The following PLXNA4 variants were observed in gnomAD, a reference collection of about 807,000 sequenced individuals.
PLXNA4 encodes plexin-A4.
In PLXNA4, 44 loss-of-function variants were observed where a neutral mutation model predicts 191.8. The ratio of observed to expected loss-of-function variants is 0.23; its 90% CI spans 0.18 to 0.29. PLXNA4 has a LOEUF of 0.29. PLXNA4 is among the 10% of genes least tolerant of loss of function. PLXNA4 has a pLI of 1.00. For synonymous variants in PLXNA4, 1,082 were observed against 1,009.5 expected, an observed-to-expected ratio of 1.07 and a Z score of -1.36; for missense variants, 1,800 against 2,488.8, an observed-to-expected ratio of 0.72 and a Z score of 5.89.
At chr7:132,189,680 C>T (rs1018735479) in intron 14 of PLXNA4, among the ~76,000 whole-genome samples, 4 of 152,106 alleles carry the variant, frequency 2.6e-5, no homozygotes, top group Admixed American at 2.0e-4. Flanking sequence ...AAAGAGTGCA[C>T]CTGCAAGCTG....
At chr7:132,567,592 G>GTCATTCTTCTCC (rs1423862620) in intron 1 of PLXNA4, among the ~76,000 whole-genome samples, 1 of 152,024 alleles carries the variant, frequency 6.6e-6, no homozygotes, top group Non-Finnish European at 1.5e-5. Flanking sequence ...TATTTTTAAG[G>GTCATTCTTCTCC]TCATTCTTCT....
At chr7:132,296,205 C>T (rs1025602848) in intron 4 of PLXNA4, among the ~76,000 whole-genome samples, 9 of 152,130 alleles carry the variant, frequency 5.9e-5, no homozygotes, top group African/African-American at 1.9e-4. Flanking sequence ...TCATTCCTGC[C>T]TTCCTTTCCA....
At chr7:132,546,964 A>C (rs746543987) in intron 1 of PLXNA4, among the ~76,000 whole-genome samples, 4 of 152,208 alleles carry the variant, frequency 2.6e-5, no homozygotes, top group Admixed American at 6.5e-5. Flanking sequence ...TCACTATTCC[A>C]GGAAAGGGAG....
intron 3 of PLXNA4, among the ~76,000 whole-genome samples, chr7:132,412,268 G>C (rs953745964): frequency 5.9e-5 from 9 of 152,132 alleles, no homozygotes; most frequent in African/African-American, 2.2e-4. Context: ...TCCCCCTCCA[G>C]ACCTCAGCTC....
chr7:132,246,067 T>G (rs1369968582), intron 4 of PLXNA4, among the ~76,000 whole-genome samples: 1 of 152,154 alleles, frequency 6.6e-6, no homozygotes. Flanking sequence ...TAGAAATAAT[T>G]AACACTGTGA....
At chr7:132,195,549 A>G (rs1797229169) in intron 13 of PLXNA4, among the ~76,000 whole-genome samples, 1 of 152,250 alleles carries the variant, frequency 6.6e-6, no homozygotes, top group African/African-American at 2.4e-5. Context: ...AGAAGTCTGG[A>G]CCATGCACTT....
chr7:132,434,029 G>A (rs574328402), intron 3 of PLXNA4, among the ~76,000 whole-genome samples: 5 of 152,312 alleles, frequency 3.3e-5, no homozygotes, highest in Middle Eastern at 3.4e-3. Flanking sequence ...CCATTACTAT[G>A]CAACTATTCC....
At chr7:132,458,406 T>C (rs532579772) in intron 3 of PLXNA4, among the ~76,000 whole-genome samples, 1 of 151,944 alleles carries the variant, frequency 6.6e-6, no homozygotes, top group African/African-American at 2.4e-5. Flanking sequence ...AAACTGAAAG[T>C]TATTCAAATG....
chr7:132,492,158 C>T (rs898307787), intron 2 of PLXNA4, among the ~76,000 whole-genome samples: 13 of 152,194 alleles, frequency 8.5e-5, no homozygotes, highest in Admixed American at 2.0e-4. Context: ...TCACACTGCA[C>T]AGGGTGGGGA....
chr7:132,348,443 G>T (rs1803339219), intron 3 of PLXNA4, among the ~76,000 whole-genome samples: 1 of 152,200 alleles, frequency 6.6e-6, no homozygotes, highest in African/African-American at 2.4e-5. Context: ...CATGAAGGAA[G>T]GTTAGTCCGT....
intron 1 of PLXNA4, among the ~76,000 whole-genome samples, chr7:132,542,829 T>G (rs1481265679): frequency 6.6e-6 from 1 of 152,230 alleles, no homozygotes; most frequent in African/African-American, 2.4e-5. Flanking sequence ...CAGGATTTCT[T>G]TTTGGTTCTT....
At chr7:132,322,356 T>C (rs1802204950) in intron 3 of PLXNA4, among the ~76,000 whole-genome samples, 1 of 152,094 alleles carries the variant, frequency 6.6e-6, no homozygotes, top group Non-Finnish European at 1.5e-5. Flanking sequence ...TAATTTTTTG[T>C]ATTTTTGGTA....
intron 2 of PLXNA4, among the ~76,000 whole-genome samples, chr7:132,633,101 G>T (rs1803525046): frequency 6.6e-6 from 1 of 152,054 alleles, no homozygotes; most frequent in Non-Finnish European, 1.5e-5. Context: ...ATATTCCTGG[G>T]TCAAGGGCAG....
chr7:132,197,827 G>C (rs113995316), intron 13 of PLXNA4, among the ~76,000 whole-genome samples: 366 of 152,318 alleles, frequency 2.4e-3, no homozygotes, highest in African/African-American at 8.7e-3. Flanking sequence ...CAAGTGACAA[G>C]ATTTCACTCC....
rs115446648 is a variant in PLXNA4, at chr7:132,381,360, T to C, written c.1372-83138A>G. On this transcript the variant is annotated intron_variant, in intron 3 of 31. Coordinates refer to ENST00000321063, the MANE Select transcript of PLXNA4 (RefSeq NM_020911.2). ...TTCCTAAATTGTACACTTGAGACAG[T>C]GTCCTACAAGATATAAGATAAAAAA... 2.5e-3 allele frequency among the ~76,000 whole-genome samples: 382 copies of C among 152,296 alleles called. 1 individual carries two copies. The highest frequency in any genetic ancestry group is 8.7e-3 in the African/African-American group (363 of 41,560).
At chr7:132,134,594 C>T (rs1157750378) in intron 30 of PLXNA4, among the ~76,000 whole-genome samples, 3 of 152,142 alleles carry the variant, frequency 2.0e-5, no homozygotes, top group Non-Finnish European at 4.4e-5. Flanking sequence ...AGGGAAGGGG[C>T]TGGTCAGAGG....
chr7:132,480,713 C>A (rs879035017), intron 3 of PLXNA4, among the ~76,000 whole-genome samples: 34 of 152,194 alleles, frequency 2.2e-4, no homozygotes, highest in Admixed American at 1.6e-3. Context: ...AAGCACAGCT[C>A]GGCTGCCTCC....
At chr7:132,270,864 G>T (rs563982655) in intron 4 of PLXNA4, among the ~76,000 whole-genome samples, 2 of 152,308 alleles carry the variant, frequency 1.3e-5, no homozygotes, top group East Asian at 1.9e-4. Flanking sequence ...AAGAGTACTT[G>T]TTCCATCAAT....
At chr7:132,315,767 G>A (rs1434723597) in intron 3 of PLXNA4, among the ~76,000 whole-genome samples, 1 of 152,204 alleles carries the variant, frequency 6.6e-6, no homozygotes, top group African/African-American at 2.4e-5. Context: ...GGAGGAATAT[G>A]ATTCAAATAG....
Sources: gnomAD v4.1 joint callset for allele counts (sites outside exome capture counted in the v4.1 genomes callset) on GRCh38, gnomAD v4.1.1 for gene constraint, MANE v1.5 for transcripts, NCBI Gene and HGNC (gene_info 2026-07-23, HGNC 2026-07-21) for gene names.